Variants in SLC25A24 observed in about 807,000 individuals in gnomAD.
SLC25A24 encodes solute carrier family 25 member 24, also known as mitochondrial adenyl nucleotide antiporter SLC25A24.
SLC25A24 carries 49 observed loss-of-function variants against 60.7 expected under a neutral mutation model. The observed-to-expected ratio is 0.81, with a 90% CI of 0.64 to 1.02. The LOEUF (loss-of-function observed/expected upper bound fraction) is 1.02. SLC25A24 is among the 50% of genes least tolerant of loss of function. The pLI is 0.00. For missense variants in SLC25A24, 564 were observed against 586.3 expected, an observed-to-expected ratio of 0.96 and a Z score of 0.39; for synonymous variants, 202 against 200.6, an observed-to-expected ratio of 1.01 and a Z score of -0.06.
rs1180408159 is a variant in SLC25A24 at position 108,181,797 on chromosome 1, T to C, written c.398+144A>G. 1.8e-5 allele frequency: 12 copies of C among 657,178 alleles called. No individual in the cohort carries two copies. The East Asian group carries it at 2.7e-4, about 15-fold the overall frequency. 40.7% of individuals were successfully genotyped at this position (657,178 alleles called of 1,614,324 possible). A position where few individuals can be genotyped will look rare whatever the true frequency, so the allele number is the denominator to read the frequency against. Reference sequence around the variant, plus strand: ...TTTAGATAAATGTACACATACAAAATGAATGGGAGGAAAAAAGACAAAAAG... The same window carrying C: ...TTTAGATAAATGTACACATACAAAACGAATGGGAGGAAAAAAGACAAAAAG... On this transcript the variant is annotated intron_variant, in intron 3 of 9. Transcript: ENST00000565488.
At chr1:108,140,651 T>G (rs535423760) in intron 8 of SLC25A24, among the ~76,000 whole-genome samples, 1 of 151,802 alleles carries the variant, frequency 6.6e-6, no homozygotes, top group African/African-American at 2.4e-5. Context: ...GGAGGTGAAA[T>G]ATGTAAAGAA....
intron 6 of SLC25A24, among the ~76,000 whole-genome samples, chr1:108,150,681 C>A (rs1332314186): frequency 1.3e-5 from 2 of 152,108 alleles, no homozygotes; most frequent in East Asian, 3.9e-4. Context: ...TCTTCCCAAA[C>A]ACGTATAAGA....
At chr1:108,159,881 A>G (rs973021556) in intron 4 of SLC25A24, among the ~76,000 whole-genome samples, 10 of 151,292 alleles carry the variant, frequency 6.6e-5, no homozygotes, top group Admixed American at 1.3e-4. Context: ...ACACAGACAC[A>G]GCAACCATCC....
intron 3 of SLC25A24, among the ~76,000 whole-genome samples, chr1:108,175,435 C>A (rs1448594815): frequency 6.6e-6 from 1 of 152,118 alleles, no homozygotes; most frequent in East Asian, 1.9e-4. Flanking sequence ...TCAATTAAAC[C>A]TCTTTCCTTT....
chr1:108,163,882 G>A (rs1680165502), intron 3 of SLC25A24, among the ~76,000 whole-genome samples: 1 of 152,176 alleles, frequency 6.6e-6, no homozygotes, highest in Non-Finnish European at 1.5e-5. Flanking sequence ...TTTTCAAAGG[G>A]AATGCTTCCA....
At chr1:108,145,097 T>C (rs1679548802) in intron 7 of SLC25A24, among the ~76,000 whole-genome samples, 1 of 152,176 alleles carries the variant, frequency 6.6e-6, no homozygotes, top group African/African-American at 2.4e-5. Context: ...CATCTGTTGT[T>C]TCCTGACTTT....
chr1:108,192,668 G>A lies in SLC25A24; in HGVS notation c.184-6714C>T. The stretch of plus-strand genomic sequence containing the variant: ...TCCGCGGCCTGAGTGAGCCCCAGCG[G>A]GGTGGAAGTGCGACCGACGAACGGG... On this transcript the variant is annotated intron_variant, in intron 1 of 9. Transcript: ENST00000565488. The A allele has an allele frequency of 1.4e-6, 2 of 1,477,050 alleles. 1 individual carries two copies. The highest frequency in any genetic ancestry group is 1.8e-6 in the Non-Finnish European group (2 of 1,103,320). 91.5% of individuals were successfully genotyped at this position (1,477,050 alleles called of 1,614,324 possible). A position where few individuals can be genotyped will look rare whatever the true frequency, so the allele number is the denominator to read the frequency against.
intron 2 of SLC25A24, among the ~76,000 whole-genome samples, chr1:108,184,622 C>T (rs1648055212): frequency 1.3e-5 from 2 of 152,142 alleles, no homozygotes; most frequent in Non-Finnish European, 2.9e-5. Context: ...AACCCTCAAG[C>T]CAAATAAGGT....
intron 1 of SLC25A24, chr1:108,198,875 A>T (rs1227391605): frequency 6.6e-6 from 1 of 152,218 alleles, no homozygotes; most frequent in Non-Finnish European, 1.5e-5. Context: ...ATGGTGGGGA[A>T]CTCCAACTGG....
chr1:108,200,212 G>C lies in SLC25A24; in HGVS notation c.-74C>G, dbSNP rs1231636836. The C allele has an allele frequency of 1.4e-6, 2 of 1,386,882 alleles. No individual in the cohort carries two copies. Among genetic ancestry groups the C allele is most frequent in the East Asian group, 2.8e-5 (1 of 35,168 alleles). The allele number at this position is 1,386,882 out of a possible 1,614,324, so 85.9% of individuals were successfully genotyped here. On this transcript the variant is annotated 5_prime_UTR_variant, in exon 1 of 10. Transcript: ENST00000565488. Reference sequence around the variant, plus strand: ...GGGCTGCGGGGCGAGACCGGGACCAGCGCGAGGCCGGGCTGGGCGGGGCGC... The same window carrying C: ...GGGCTGCGGGGCGAGACCGGGACCACCGCGAGGCCGGGCTGGGCGGGGCGC...
intron 3 of SLC25A24, among the ~76,000 whole-genome samples, chr1:108,162,310 G>C (rs946670681): frequency 5.4e-5 from 8 of 148,232 alleles, no homozygotes; most frequent in African/African-American, 5.1e-5. Flanking sequence ...TATATACCCA[G>C]TAATGGGATG....
At chr1:108,189,183 A>G (rs1267344470) in intron 1 of SLC25A24, among the ~76,000 whole-genome samples, 1 of 152,154 alleles carries the variant, frequency 6.6e-6, no homozygotes, top group African/African-American at 2.4e-5. Flanking sequence ...TTTTTAACCC[A>G]TATTTCTGCA....
intron 7 of SLC25A24, 126 bp from the exon 8 acceptor site, chr1:108,143,836 G>T: frequency 1.3e-6 from 1 of 744,536 alleles, no homozygotes; most frequent in African/African-American, 1.8e-5. Flanking sequence ...TGTACAATTT[G>T]TTGATACATT....
chr1:108,177,674 T>C (rs183960253), intron 3 of SLC25A24, among the ~76,000 whole-genome samples: 124 of 152,334 alleles, frequency 8.1e-4, no homozygotes, highest in African/African-American at 2.4e-3. Context: ...ACAAAGTTCC[T>C]ATATAATGAT....
intron 6 of SLC25A24, among the ~76,000 whole-genome samples, 194 bp from the exon 7 acceptor site, chr1:108,148,580 AC>A (rs57427414): frequency 0.025 from 3,791 of 152,038 alleles, 180 homozygotes; most frequent in African/African-American, 0.087. Context: ...AAGAGCAGAC[AC>A]CAGAGAGCCC....
intron 7 of SLC25A24, among the ~76,000 whole-genome samples, chr1:108,145,888 C>G (rs1182904336): frequency 6.6e-6 from 1 of 152,048 alleles, no homozygotes; most frequent in African/African-American, 2.4e-5. Context: ...TATACAGGCT[C>G]TTTTTTAGTT....
chr1:108,192,679 C>A (rs1648382170), intron 1 of SLC25A24: 1 of 1,465,132 alleles, frequency 6.8e-7, no homozygotes, highest in Non-Finnish European at 9.1e-7. Context: ...GGTGGAAGTG[C>A]GACCGACGAA....
chr1:108,161,513 C>G (rs1176752454), intron 3 of SLC25A24, among the ~76,000 whole-genome samples: 1 of 152,170 alleles, frequency 6.6e-6, no homozygotes, highest in Non-Finnish European at 1.5e-5. Context: ...CCAAAAATTA[C>G]AGCCAGCTCA....
intron 3 of SLC25A24, among the ~76,000 whole-genome samples, chr1:108,178,763 A>G (rs558784638): frequency 1.3e-5 from 2 of 152,088 alleles, no homozygotes; most frequent in Non-Finnish European, 2.9e-5. Flanking sequence ...GCAGTGAGCC[A>G]AGATCGGGCC....
Sources: allele counts gnomAD v4.1 joint callset (sites outside exome capture counted in the v4.1 genomes callset), GRCh38; gene constraint gnomAD v4.1.1; transcripts MANE v1.5; gene names NCBI Gene and HGNC (gene_info 2026-07-23, HGNC 2026-07-21).